Variants in DNAH14 observed in about 807,000 individuals in gnomAD.
DNAH14 encodes dynein axonemal heavy chain 14, also known as axonemal beta dynein heavy chain 14.
DNAH14 carries 478 observed loss-of-function variants against 520.9 expected under a neutral mutation model. That is an observed-to-expected ratio of 0.92 (90% CI 0.85 to 0.99). DNAH14 has a LOEUF of 0.99. Ranked by LOEUF, DNAH14 falls within the 50% of genes least tolerant of loss-of-function variation. The pLI is 0.00. For synonymous variants in DNAH14, 1,581 were observed against 1,757.2 expected (o/e 0.90, Z 2.51); for missense variants, 4,831 against 5,234.5 (o/e 0.92, Z 2.38).
intron 55 of DNAH14, among the ~76,000 whole-genome samples, chr1:225,297,016 C>T (rs1317434687): frequency 6.6e-6 from 1 of 152,124 alleles, no homozygotes; most frequent in Non-Finnish European, 1.5e-5. Context: ...ATCTGTATGA[C>T]TAACACTCTC....
intron 1 of DNAH14, among the ~76,000 whole-genome samples, chr1:224,934,148 C>T (rs761037899): frequency 5.3e-5 from 8 of 151,590 alleles, no homozygotes; most frequent in East Asian, 1.9e-4. Context: ...ATGACACCTC[C>T]GAAGGAACAC....
At chr1:225,392,699 T>G (rs2095936307) in intron 84 of DNAH14, among the ~76,000 whole-genome samples, 1 of 152,198 alleles carries the variant, frequency 6.6e-6, no homozygotes, top group African/African-American at 2.4e-5. Context: ...CAACAGACTT[T>G]CTAAGTATCC....
intron 79 of DNAH14, 127 bp downstream of exon 79, chr1:225,377,563 C>A: frequency 1.2e-6 from 1 of 854,552 alleles, no homozygotes; most frequent in East Asian, 2.8e-5. Context: ...AGTTCGAGAC[C>A]ACTCTGAGCA....
At position 225,205,995 on chromosome 1, in the gene DNAH14, T is replaced by G; in HGVS notation, c.6002T>G (p.Leu2001Arg). The change falls in exon 40 of 86, where the codon CTA becomes CGA. Residue 2001 changes from leucine (L) to arginine (R), a missense_variant. Physicochemically the swap from Leu to Arg is moderately radical, Grantham distance 102. Coordinates refer to ENST00000682510, the MANE Select transcript of DNAH14 (RefSeq NM_001367479.1). The part of the protein sequence containing the change: ...NHNFDWQWII[L>R]DGPVDTFWVE... ...GATTTTGATTGGCAGTGGATTATCC[T>G]AGATGGCCCAGTGGACACCTTTTGG... 6.4e-7 allele frequency: 1 copy of G among 1,551,608 alleles called. No individual in the cohort carries two copies. Among genetic ancestry groups the G allele is most frequent in the Non-Finnish European group, 8.7e-7 (1 of 1,146,826 alleles).
chr1:225,162,285 A>C (rs1346834414), intron 35 of DNAH14, among the ~76,000 whole-genome samples: 1 of 152,098 alleles, frequency 6.6e-6, no homozygotes, highest in Non-Finnish European at 1.5e-5. Flanking sequence ...TTTGTTGAAA[A>C]TAAGTTCACC....
At chr1:225,136,804 G>A (rs190609702) in intron 27 of DNAH14, among the ~76,000 whole-genome samples, 10 of 152,178 alleles carry the variant, frequency 6.6e-5, no homozygotes, top group African/African-American at 1.4e-4. Flanking sequence ...TCGTAGGTTC[G>A]TTCTCTTTCC....
intron 23 of DNAH14, among the ~76,000 whole-genome samples, chr1:225,111,593 T>C (rs1249203434): frequency 5.9e-5 from 9 of 152,040 alleles, no homozygotes; most frequent in Admixed American, 5.2e-4. Context: ...TCAGCCACTT[T>C]ATGTCCTATT....
At chr1:225,370,565 A>C (rs2095607336) in intron 77 of DNAH14, among the ~76,000 whole-genome samples, 1 of 152,016 alleles carries the variant, frequency 6.6e-6, no homozygotes, top group Non-Finnish European at 1.5e-5. Context: ...AAAACAATGG[A>C]AATGAGACTA....
chr1:224,939,299 T>C (rs1300852990), intron 1 of DNAH14, among the ~76,000 whole-genome samples: 1 of 152,154 alleles, frequency 6.6e-6, no homozygotes, highest in Non-Finnish European at 1.5e-5. Context: ...AGTAGAACCC[T>C]CAGATGCACT....
intron 71 of DNAH14, among the ~76,000 whole-genome samples, chr1:225,348,475 G>A (rs1432864728): frequency 6.6e-6 from 1 of 152,072 alleles, no homozygotes; most frequent in Admixed American, 6.5e-5. Context: ...CTTGAAAGCA[G>A]CAAGAGAAAA....
At chr1:224,944,011 C>G (rs2059615982) in intron 1 of DNAH14, among the ~76,000 whole-genome samples, 1 of 152,106 alleles carries the variant, frequency 6.6e-6, no homozygotes, top group Non-Finnish European at 1.5e-5. Flanking sequence ...TCTATTAGGT[C>G]CACTTGGTGC....
chr1:225,158,182 A>G (rs1458700232), intron 34 of DNAH14, among the ~76,000 whole-genome samples: 4 of 152,152 alleles, frequency 2.6e-5, no homozygotes, highest in Non-Finnish European at 5.9e-5. Flanking sequence ...AATATATACA[A>G]TATATACTGT....
chr1:225,073,998 T>G (rs1419083713), intron 17 of DNAH14, among the ~76,000 whole-genome samples: 2 of 124,158 alleles, frequency 1.6e-5, no homozygotes, highest in South Asian at 3.0e-4. Flanking sequence ...GAAGTTTTTT[T>G]TTTTTTTTTT....
intron 71 of DNAH14, 42 bp from the exon 72 acceptor site, chr1:225,351,605 G>A (rs1486065983): frequency 4.9e-6 from 7 of 1,424,046 alleles, no homozygotes; most frequent in Non-Finnish European, 6.6e-6. Flanking sequence ...AAAAGGTAAA[G>A]GTTTATCTCT....
At chr1:225,327,253 G>A (rs2094694538) in intron 64 of DNAH14, among the ~76,000 whole-genome samples, 1 of 151,878 alleles carries the variant, frequency 6.6e-6, no homozygotes, top group Non-Finnish European at 1.5e-5. Context: ...CGCCTCCCGG[G>A]TTCACGCCAT....
intron 60 of DNAH14, among the ~76,000 whole-genome samples, chr1:225,308,686 G>A (rs1376761156): frequency 6.6e-6 from 1 of 152,208 alleles, no homozygotes; most frequent in Non-Finnish European, 1.5e-5. Context: ...AACTCATGCA[G>A]GCCATACCAA....
chr1:225,011,071 G>T (rs1314565832), intron 10 of DNAH14, among the ~76,000 whole-genome samples: 1 of 147,062 alleles, frequency 6.8e-6, no homozygotes, highest in African/African-American at 2.5e-5. Flanking sequence ...TTGATTTTTT[G>T]AACTTTTTTT....
rs1262641112 is a variant in DNAH14, at chr1:225,346,581, A to G, written c.11223A>G (p.Glu3741=). ...ATGACATTGGATTCCTACCAGAAGA[A>G]GAATGGAACATCTTTTTATATTCTG... ...IQDDIGFLPE[E]EWNIFLYSGI... The change falls in exon 71 of 86, where the codon GAA becomes GAG. Residue 3741 remains glutamate, a synonymous_variant. Coordinates refer to ENST00000682510, the MANE Select transcript of DNAH14 (RefSeq NM_001367479.1). The G allele has an allele frequency of 7.7e-6, 12 of 1,550,958 alleles. No homozygotes were observed. In the East Asian group the frequency reaches 2.9e-4, roughly 38 times the overall value.
intron 23 of DNAH14, among the ~76,000 whole-genome samples, chr1:225,105,485 G>A (rs917806980): frequency 1.3e-5 from 2 of 152,146 alleles, no homozygotes; most frequent in African/African-American, 4.8e-5. Flanking sequence ...TGACAGTGGG[G>A]TATTAAAGTC....
Sources: gnomAD v4.1 joint callset for allele counts (sites outside exome capture counted in the v4.1 genomes callset) on GRCh38, gnomAD v4.1.1 for gene constraint, MANE v1.5 for transcripts, NCBI Gene and HGNC (gene_info 2026-07-23, HGNC 2026-07-21) for gene names.